SLC6A15: variants seen among roughly 807,000 people sequenced by gnomAD.
SLC6A15 encodes solute carrier family 6 member 15.
In SLC6A15, 33 loss-of-function variants were observed where a neutral mutation model predicts 68.5. The observed-to-expected ratio is 0.48, with a 90% CI of 0.37 to 0.64. The LOEUF is 0.64. Among genes scored for constraint, SLC6A15 ranks in the 30% least tolerant of loss-of-function variants. The pLI is 0.00. For synonymous variants in SLC6A15, 347 were observed against 301.0 expected (o/e 1.15, Z -1.58); for missense variants, 747 against 874.3 (o/e 0.85, Z 1.84).
At chr12:84,869,079 C>A (rs759370184) in intron 9 of SLC6A15, among the ~76,000 whole-genome samples, 3 of 152,100 alleles carry the variant, frequency 2.0e-5, no homozygotes, top group Non-Finnish European at 4.4e-5. Flanking sequence ...CATGCACAAA[C>A]ACATACAGAC....
rs1871752682 is a variant in SLC6A15, at chr12:84,880,117, A to G, written c.757-3510T>C. 2.0e-5 allele frequency among the ~76,000 whole-genome samples: 3 copies of G among 152,224 alleles called. No homozygotes were observed. In the South Asian group the frequency reaches 6.2e-4, roughly 31 times the overall value. On this transcript the variant is annotated intron_variant, in intron 5 of 11. Coordinates refer to ENST00000266682, the MANE Select transcript of SLC6A15 (RefSeq NM_182767.6). ...TAAGTTACAAGAACATTTCAAGCCTACAAGATGGAGAAAAATAAGTCAATA... is the reference window on the plus strand; with the variant it reads ...TAAGTTACAAGAACATTTCAAGCCTGCAAGATGGAGAAAAATAAGTCAATA...
rs193176575 is a variant in SLC6A15, at chr12:84,893,456, C to T, written c.-188-1148G>A. 4.4e-4 allele frequency among the ~76,000 whole-genome samples: 67 copies of T among 151,978 alleles called. 1 individual carries two copies. In the East Asian group the frequency reaches 0.012, roughly 26 times the overall value. The stretch of plus-strand genomic sequence containing the variant: ...TTATTTGTATGTTACGTCTCCTATC[C>T]TTTTCCCCACTCAGACACAGACCAA... On this transcript the variant is annotated intron_variant, in intron 1 of 11. Coordinates refer to ENST00000266682, the MANE Select transcript of SLC6A15 (RefSeq NM_182767.6).
intron 5 of SLC6A15, among the ~76,000 whole-genome samples, chr12:84,878,821 C>G (rs1035206025): frequency 6.8e-6 from 1 of 147,336 alleles, no homozygotes; most frequent in Non-Finnish European, 1.5e-5. Flanking sequence ...AATTCTACCA[C>G]AGAAATCTCA....
intron 11 of SLC6A15, among the ~76,000 whole-genome samples, chr12:84,862,213 T>G (rs1870883043): frequency 6.6e-6 from 1 of 152,106 alleles, no homozygotes; most frequent in Admixed American, 6.6e-5. Context: ...TCTTAGAATA[T>G]TGCCCTGAAT....
At chr12:84,910,124 C>T (rs1873364581) in intron 1 of SLC6A15, among the ~76,000 whole-genome samples, 1 of 152,010 alleles carries the variant, frequency 6.6e-6, no homozygotes, top group Non-Finnish European at 1.5e-5. Flanking sequence ...CTCCTAGAAA[C>T]ATATAAAAAT....
intron 1 of SLC6A15, among the ~76,000 whole-genome samples, chr12:84,905,248 A>G (rs181558575): frequency 6.0e-4 from 92 of 152,326 alleles, no homozygotes; most frequent in African/African-American, 1.6e-3. Context: ...TAAGTATTCA[A>G]GGTTGGTTCA....
At chr12:84,891,588 G>C (rs1872393727) in intron 2 of SLC6A15, among the ~76,000 whole-genome samples, 1 of 152,136 alleles carries the variant, frequency 6.6e-6, no homozygotes, top group Admixed American at 6.5e-5. Flanking sequence ...AGCTTCCGGA[G>C]AAAGAAGTTG....
chr12:84,872,590 T>C lies in SLC6A15; in HGVS notation c.1302+12A>G, dbSNP rs1262283932. The stretch of plus-strand genomic sequence containing the variant: ...TGATAATTATTTTATTGCTCAAACA[T>C]GGCTTACTAACTTTATTTAGCTCTT... On this transcript the variant is annotated intron_variant, in intron 8 of 11. Transcript: ENST00000266682. 6.3e-7 allele frequency: 1 copy of C among 1,598,950 alleles called. No individual in the cohort carries two copies. The highest frequency in any genetic ancestry group is 1.7e-5 in the Admixed American group (1 of 58,784).
At position 84,912,718 on chromosome 12, in the gene SLC6A15, G is replaced by GA. The variant is rs1873544542; in HGVS notation, c.-385dup. 1 of 152,848 alleles carries GA rather than the reference G, an allele frequency of 6.5e-6. No homozygotes were observed. The highest frequency in any genetic ancestry group is 1.5e-5 in the Non-Finnish European group (1 of 68,604). 9.5% of individuals were successfully genotyped at this position (152,848 alleles called of 1,614,324 possible). A position where few individuals can be genotyped will look rare whatever the true frequency, so the allele number is the denominator to read the frequency against. ...GCCGCCCTGCAGGCTGGCAAGGAGA[G>GA]ACTCGTGAGCGCCTGTGTGTCTGCC... On this transcript the variant is annotated 5_prime_UTR_variant, in exon 1 of 12. An upstream open reading frame in the 5' UTR loses its in-frame stop. Coordinates refer to ENST00000266682, the MANE Select transcript of SLC6A15 (RefSeq NM_182767.6).
rs1420698806 is a variant in SLC6A15 at position 84,861,954 on chromosome 12, G to A, written c.1871C>T (p.Ser624Phe). Residue 624 changes from serine to phenylalanine, a missense_variant, in exon 12 of 12, where the codon TCT (serine) becomes TTT (phenylalanine). Transcript: ENST00000266682. ...TGGGAGTATTGCAAAGACAACCAGAGAGACACAAACAACCAGTCCCCATGT... is the reference window on the plus strand; with the variant it reads ...TGGGAGTATTGCAAAGACAACCAGAAAGACACAAACAACCAGTCCCCATGT... ...YPTWGLVVCV[S>F]LVVFAILPVP... is the part of the protein sequence containing the mutation. 1 of 1,613,446 alleles carries A rather than the reference G, an allele frequency of 6.2e-7. No individual in the cohort carries two copies. The highest frequency in any genetic ancestry group is 8.5e-7 in the Non-Finnish European group (1 of 1,179,718).
intron 1 of SLC6A15, among the ~76,000 whole-genome samples, chr12:84,894,953 G>A (rs983108157): frequency 2.0e-5 from 3 of 151,964 alleles, no homozygotes; most frequent in African/African-American, 7.3e-5. Context: ...ATTAAAAAGG[G>A]AGTTGAAGTG....
intron 6 of SLC6A15, among the ~76,000 whole-genome samples, chr12:84,874,711 A>G (rs902427010): frequency 5.9e-5 from 9 of 152,196 alleles, no homozygotes; most frequent in African/African-American, 2.2e-4. Flanking sequence ...CTATTAAAAT[A>G]CACTCAACTG....
intron 10 of SLC6A15, among the ~76,000 whole-genome samples, chr12:84,866,675 C>T (rs1274373662): frequency 6.6e-6 from 1 of 152,098 alleles, no homozygotes; most frequent in African/African-American, 2.4e-5. Flanking sequence ...GGGTGTCTCT[C>T]TAAGCTTGAT....
chr12:84,899,741 C>T (rs181700522), intron 1 of SLC6A15, among the ~76,000 whole-genome samples: 2 of 152,180 alleles, frequency 1.3e-5, no homozygotes, highest in East Asian at 1.9e-4. Context: ...GGGAACTTTA[C>T]AGTATTTAAA....
In SLC6A15 at chr12:84,859,825, T is replaced by C. The variant is rs893608889; in HGVS notation, c.*1807A>G. ...AAATTATTCACAGAAATAGGTAAGATATAGAAGAGAGAATATAGAATGCTG... is the reference window on the plus strand; with the variant it reads ...AAATTATTCACAGAAATAGGTAAGACATAGAAGAGAGAATATAGAATGCTG... On this transcript the variant is annotated 3_prime_UTR_variant, in exon 12 of 12. Transcript: ENST00000266682. The C allele has an allele frequency of 4.6e-5, 7 of 151,958 alleles. No homozygotes were observed. Among genetic ancestry groups the C allele is most frequent in the African/African-American group, 1.4e-4 (6 of 41,430 alleles). The allele number at this position is 151,958 out of a possible 1,614,324, so 9.4% of individuals were successfully genotyped here.
intron 1 of SLC6A15, among the ~76,000 whole-genome samples, chr12:84,902,546 C>T (rs887691432): frequency 6.6e-6 from 1 of 151,736 alleles, no homozygotes. Flanking sequence ...AACTTGTACA[C>T]AAATGTCCAT....
chr12:84,878,506 T>C (rs1871663656), intron 5 of SLC6A15, among the ~76,000 whole-genome samples: 2 of 152,108 alleles, frequency 1.3e-5, no homozygotes, highest in Non-Finnish European at 2.9e-5. Flanking sequence ...TAAACAAAAC[T>C]CAAATGTACT....
rs761497591 is a variant in SLC6A15, at chr12:84,873,233, T to C, written c.963A>G (p.Ser321=). ...AGTTGTTGTCTCTCTTGTTGTAGCT[T>C]GAAAAGGCAATGACACCACCAAATC... ...GLGFGGVIAF[S]SYNKRDNNCH... Residue 321 remains serine, a synonymous_variant, in exon 7 of 12, where the codon TCA becomes TCG. Coordinates refer to ENST00000266682, the MANE Select transcript of SLC6A15 (RefSeq NM_182767.6). 1 of 1,614,092 alleles carries C rather than the reference T, an allele frequency of 6.2e-7. No individual in the cohort carries two copies. The highest frequency in any genetic ancestry group is 8.5e-7 in the Non-Finnish European group (1 of 1,179,988).
chr12:84,884,852 A>C (rs6539875), intron 4 of SLC6A15, among the ~76,000 whole-genome samples: 6,182 of 152,030 alleles, frequency 0.041, 405 homozygotes, highest in African/African-American at 0.14. Context: ...ATATTGAAAT[A>C]GTATTTTTAT....
Sources: gnomAD v4.1 joint callset for allele counts (sites outside exome capture counted in the v4.1 genomes callset) on GRCh38, gnomAD v4.1.1 for gene constraint, MANE v1.5 for transcripts, NCBI Gene and HGNC (gene_info 2026-07-23, HGNC 2026-07-21) for gene names.